Variants in COL9A1 observed in about 807,000 individuals in gnomAD.
COL9A1 encodes the protein collagen alpha-1(IX) chain.
A neutral mutation model predicts 142.6 loss-of-function variants in COL9A1; 104 were observed. The ratio of observed to expected loss-of-function variants is 0.73; its 90% CI spans 0.62 to 0.86. The LOEUF (loss-of-function observed/expected upper bound fraction) is 0.86. COL9A1 is among the 40% of genes least tolerant of loss of function. The pLI, the probability that COL9A1 is intolerant of heterozygous loss-of-function variation, is 0.00. For synonymous variants in COL9A1, 466 were observed against 396.0 expected (o/e 1.18, Z -2.10); for missense variants, 1,210 against 1,176.6 (o/e 1.03, Z -0.42).
intron 20 of COL9A1, 113 bp from the exon 21 acceptor site, chr6:70,256,934 G>A (rs1771340983): frequency 3.3e-6 from 3 of 911,852 alleles, no homozygotes; most frequent in Non-Finnish European, 3.5e-6. Flanking sequence ...TTTTGTGCCT[G>A]TAATACACAC....
In COL9A1 at chr6:70,270,378, T is replaced by C; in HGVS notation, c.1144-11A>G. 1 of 1,613,312 alleles carries C rather than the reference T, an allele frequency of 6.2e-7. No individual in the cohort carries two copies. Among genetic ancestry groups the C allele is most frequent in the East Asian group, 2.2e-5 (1 of 44,868 alleles). On this transcript the variant is annotated splice_polypyrimidine_tract_variant and intron_variant, in intron 14 of 37. Coordinates refer to ENST00000357250, the MANE Select transcript of COL9A1 (RefSeq NM_001851.6). ...TCTCCCAGGGTCACCCTAAGTTATT[T>C]GAAAATTGCGACACAGTGGTTATAC...
intron 5 of COL9A1, among the ~76,000 whole-genome samples, chr6:70,288,877 A>G (rs1468007911): frequency 1.3e-5 from 2 of 152,182 alleles, no homozygotes; most frequent in African/African-American, 2.4e-5. Flanking sequence ...TATTTACAGT[A>G]TCTGTCTTCT....
intron 10 of COL9A1, among the ~76,000 whole-genome samples, chr6:70,277,396 T>C (rs1248075074): frequency 6.6e-6 from 1 of 151,436 alleles, no homozygotes; most frequent in Admixed American, 6.6e-5. Flanking sequence ...AGTTGAAATA[T>C]ACAGACCACA....
chr6:70,215,636 G>A (rs977010991), downstream of COL9A1: 3 of 152,158 alleles, frequency 2.0e-5, no homozygotes, highest in African/African-American at 7.2e-5. Context: ...TACTTGTTAA[G>A]AATACAGTGC....
rs147347330 is a variant in COL9A1, at chr6:70,254,821, A to T, written c.1665+142T>A. On this transcript the variant is annotated intron_variant, in intron 24 of 37. Coordinates refer to ENST00000357250, the MANE Select transcript of COL9A1 (RefSeq NM_001851.6). ...TTCTAGTAAGTATTTCATATTTGAC[A>T]CTTGATTCAAAAATTAAAGGAAGGG... is the stretch of plus-strand genomic sequence containing the variant. 1.9e-3 allele frequency: 1,572 copies of T among 812,236 alleles called. 20 individuals carry two copies. In the African/African-American group the frequency reaches 0.023, roughly 12 times the overall value. The allele number at this position is 812,236 out of a possible 1,614,324, so 50.3% of individuals were successfully genotyped here.
At chr6:70,296,371 C>T (rs894290672) in intron 4 of COL9A1, among the ~76,000 whole-genome samples, 1 of 151,920 alleles carries the variant, frequency 6.6e-6, no homozygotes, top group African/African-American at 2.4e-5. Context: ...CAGTTCACTA[C>T]CTATGTTTTA....
intron 29 of COL9A1, 111 bp downstream of exon 29, chr6:70,242,551 A>G: frequency 1.0e-6 from 1 of 952,618 alleles, no homozygotes; most frequent in Non-Finnish European, 1.7e-6. Context: ...TTCACATAAC[A>G]AGAGAAATCA....
chr6:70,234,168 T>G (rs969763017), intron 35 of COL9A1, among the ~76,000 whole-genome samples: 18 of 152,004 alleles, frequency 1.2e-4, no homozygotes, highest in Non-Finnish European at 2.1e-4. Context: ...CAGTGCTAGG[T>G]ACACACTAAG....
At chr6:70,222,862 A>G (rs989325110) in intron 37 of COL9A1, 8 of 152,108 alleles carry the variant, frequency 5.3e-5, no homozygotes, top group Non-Finnish European at 8.8e-5. Flanking sequence ...TTTTTTATCT[A>G]GACGGTTCCA....
Position 70,300,290 on chromosome 6 carries a change from A to C in COL9A1, c.166+19T>G. 1 of 1,609,990 alleles carries C rather than the reference A, an allele frequency of 6.2e-7. No individual in the cohort carries two copies. ...TTTATAGAAAGCATGCATTTTCAAT[A>C]GGGTACATTGCTACTCACCTGGTAA... On this transcript the variant is annotated intron_variant, in intron 3 of 37. Coordinates refer to ENST00000357250, the MANE Select transcript of COL9A1 (RefSeq NM_001851.6).
At chr6:70,233,803 G>A (rs1198035518) in intron 35 of COL9A1, among the ~76,000 whole-genome samples, 2 of 152,194 alleles carry the variant, frequency 1.3e-5, no homozygotes, top group Non-Finnish European at 2.9e-5. Context: ...AAACTAGACT[G>A]TCTAGTGAAC....
intron 10 of COL9A1, 128 bp from the exon 11 acceptor site, chr6:70,274,900 A>G (rs1183899819): frequency 5.5e-6 from 4 of 721,390 alleles, no homozygotes; most frequent in Non-Finnish European, 9.7e-6. Context: ...AAATATTTAT[A>G]AAGAAATACC....
chr6:70,269,537 T>C, intron 16 of COL9A1, 96 bp downstream of exon 16: 4 of 878,926 alleles, frequency 4.6e-6, no homozygotes, highest in Non-Finnish European at 7.7e-6. Flanking sequence ...CACAGACACA[T>C]AGAATATTCC....
At chr6:70,228,501 C>T (rs1365332637) in intron 36 of COL9A1, among the ~76,000 whole-genome samples, 1 of 151,988 alleles carries the variant, frequency 6.6e-6, no homozygotes, top group African/African-American at 2.4e-5. Context: ...CTATACATAC[C>T]ATTTTTTTTC....
intron 4 of COL9A1, among the ~76,000 whole-genome samples, chr6:70,295,281 C>CTTTTTTTTTTT (rs1171549562): frequency 2.1e-4 from 13 of 63,168 alleles, no homozygotes; most frequent in African/African-American, 5.1e-4. Flanking sequence ...GTTGTTGCTT[C>CTTTTTTTTTTT]TTTTTTTTTT....
intron 28 of COL9A1, 117 bp downstream of exon 28, chr6:70,252,003 G>T: frequency 9.4e-7 from 1 of 1,063,170 alleles, no homozygotes; most frequent in Non-Finnish European, 1.5e-6. Context: ...GTGTGTCTTG[G>T]ACTAGCATGG....
intron 10 of COL9A1, chr6:70,275,002 C>T (rs540764517): frequency 1.8e-6 from 1 of 541,942 alleles, no homozygotes; most frequent in Admixed American, 3.2e-5. Context: ...CTCCTAACTT[C>T]CTGCTAACTG....
rs1283704412 is a variant in COL9A1, at chr6:70,268,840, T to C, written c.1251A>G (p.Pro417=). The change falls in exon 17 of 38, where the codon CCA becomes CCG. Residue 417 remains proline (P), a synonymous_variant. Transcript: ENST00000357250. The part of the protein sequence containing the change: ...GDPLCPNACP[P]GRSGYPGLPG... ...GTAGGCCTGGATATCCTGAGCGACC[T>C]GGTGGACAGGCATTGGGACACTGCC... 1.2e-6 allele frequency: 2 copies of C among 1,613,814 alleles called. No individual in the cohort carries two copies. Among genetic ancestry groups the C allele is most frequent in the African/African-American group, 1.3e-5 (1 of 74,912 alleles).
chr6:70,253,085 C>A (rs1268514933), intron 26 of COL9A1, among the ~76,000 whole-genome samples: 3 of 151,896 alleles, frequency 2.0e-5, no homozygotes. Context: ...GACATAAGTT[C>A]TGTGGCTTAA....
Sources: gnomAD v4.1 joint callset for allele counts (sites outside exome capture counted in the v4.1 genomes callset) on GRCh38, gnomAD v4.1.1 for gene constraint, MANE v1.5 for transcripts, NCBI Gene and HGNC (gene_info 2026-07-23, HGNC 2026-07-21) for gene names.